The following C17orf107 variants were observed in gnomAD, a reference collection of about 807,000 sequenced individuals.
C17orf107 encodes the protein chromosome 17 open reading frame 107.
C17orf107 carries 9 observed loss-of-function variants against 8.9 expected under a neutral mutation model. The ratio of observed to expected loss-of-function variants is 1.02; its 90% CI spans 0.61 to 1.77. C17orf107 has a LOEUF of 1.77. C17orf107 is among the 40% of genes most tolerant of loss of function. The probability of loss-of-function intolerance (pLI) is 0.00; values close to 1 mark genes in which losing one functional copy is unlikely to be tolerated. For missense variants in C17orf107, 281 were observed against 249.0 expected (o/e 1.13, Z -0.86); for synonymous variants, 139 against 120.3 (o/e 1.16, Z -1.02).
At chr17:4,906,556 C>T (rs1970094658), downstream of C17orf107, among the ~76,000 whole-genome samples, 1 of 151,998 alleles carries the variant, frequency 6.6e-6, no homozygotes, top group African/African-American at 2.4e-5. Context: ...CAAAATAAGA[C>T]ACACAAATGC....
chr17:4,902,543 G>A lies in C17orf107; in HGVS notation c.*2010G>A. ...TTGAAGTGAGATTTCAGGGCCAGAA[G>A]TGAGCTTTAGGACAGAGCTCAGCGG... On this transcript the variant is annotated 3_prime_UTR_variant, in exon 3 of 3. Coordinates refer to ENST00000381365, the MANE Select transcript of C17orf107 (RefSeq NM_001145536.2). This position sits in a 1 kb window ranked among gnomAD's most constrained non-coding sequence, Gnocchi z 4.0. The A allele has an allele frequency of 6.2e-7, 1 of 1,614,078 alleles. No homozygotes were observed. Among genetic ancestry groups the A allele is most frequent in the African/African-American group, 1.3e-5 (1 of 75,056 alleles).
At chr17:4,904,181 C>CTTTT (rs931413877), downstream of C17orf107, among the ~76,000 whole-genome samples, 1 of 151,690 alleles carries the variant, frequency 6.6e-6, no homozygotes, top group African/African-American at 2.4e-5. Context: ...TTTTCTGTTT[C>CTTTT]TTTTTTTGTT....
Position 4,902,450 on chromosome 17 carries a change from G to T in C17orf107, c.*1917G>T, listed in dbSNP as rs749350232. ...ACACCATTCCCCAGATTTGACTCAC[G>T]ATTCCAATCCAGACGCTAGTGGTGA... On this transcript the variant is annotated 3_prime_UTR_variant, in exon 3 of 3. Transcript: ENST00000381365. This position sits in a 1 kb window ranked among gnomAD's most constrained non-coding sequence, Gnocchi z 4.0. 6.2e-7 allele frequency: 1 copy of T among 1,614,186 alleles called. No homozygotes were observed. Among genetic ancestry groups the T allele is most frequent in the South Asian group, 1.1e-5 (1 of 91,084 alleles).
At chr17:4,900,209 C>G in intron 2 of C17orf107, 28 bp from the exon 3 acceptor site, 1 of 1,543,186 alleles carries the variant, frequency 6.5e-7, no homozygotes. Context: ...CCTCTGCCTC[C>G]CCGCTAACCC....
At position 4,901,854 on chromosome 17, in the gene C17orf107, G is replaced by T; in HGVS notation, c.*1321G>T. On this transcript the variant is annotated 3_prime_UTR_variant, in exon 3 of 3. Transcript: ENST00000381365. The stretch of plus-strand genomic sequence containing the variant: ...CAGCGCGAAGCCCCGCCCCGAGGGC[G>T]GTGCTTCCCGGTTGGCCCCGCCCCA... 1 of 1,589,052 alleles carries T rather than the reference G, an allele frequency of 6.3e-7. No homozygotes were observed. The highest frequency in any genetic ancestry group is 8.6e-7 in the Non-Finnish European group (1 of 1,162,352).
At chr17:4,906,135 C>T (rs1206140039), downstream of C17orf107, among the ~76,000 whole-genome samples, 1 of 152,226 alleles carries the variant, frequency 6.6e-6, no homozygotes, top group Non-Finnish European at 1.5e-5. Context: ...TGGCTTCTCT[C>T]TGCAGAGGCA....
In C17orf107 at chr17:4,900,828, G is replaced by A. The variant is rs1395761057; in HGVS notation, c.*295G>A. 6.2e-7 allele frequency: 1 copy of A among 1,614,184 alleles called. No individual in the cohort carries two copies. Among genetic ancestry groups the A allele is most frequent in the East Asian group, 2.2e-5 (1 of 44,888 alleles). On this transcript the variant is annotated 3_prime_UTR_variant, in exon 3 of 3. Transcript: ENST00000381365. ...GCGGCACGCTCAGAGAAGTCTCTGG[G>A]ATTTTCTGGGCAATGAGGAACAAGA...
At chr17:4,906,355 C>T (rs938205882), downstream of C17orf107, among the ~76,000 whole-genome samples, 5 of 152,102 alleles carry the variant, frequency 3.3e-5, no homozygotes, top group Admixed American at 2.6e-4. Context: ...TGCCAGGATG[C>T]CATTCTCACT....
rs767412916 is a variant in C17orf107, at chr17:4,902,375, C to T, written c.*1842C>T. On this transcript the variant is annotated 3_prime_UTR_variant, in exon 3 of 3. Coordinates refer to ENST00000381365, the MANE Select transcript of C17orf107 (RefSeq NM_001145536.2). The surrounding 1 kb of genome is among the most constrained non-coding windows in gnomAD (Gnocchi z 4.0). ...CGCGTGCCCTGCATCTCCCACCTGG[C>T]GCTGCCTGGGAGGGGTTTGGGGGAA... 3 of 1,613,222 alleles carry T rather than the reference C, an allele frequency of 1.9e-6. No individual in the cohort carries two copies. The highest frequency in any genetic ancestry group is 1.3e-5 in the African/African-American group (1 of 74,912).
Position 4,901,806 on chromosome 17 carries a change from G to A in C17orf107, c.*1273G>A. Reference sequence around the variant, plus strand: ...CGGCCGCGCTGGAGCGTCCCACCCAGTGCCTACGCCTGGCTCCGCCTCCAG... The same window carrying A: ...CGGCCGCGCTGGAGCGTCCCACCCAATGCCTACGCCTGGCTCCGCCTCCAG... On this transcript the variant is annotated 3_prime_UTR_variant, in exon 3 of 3. Coordinates refer to ENST00000381365, the MANE Select transcript of C17orf107 (RefSeq NM_001145536.2). 1.4e-6 allele frequency: 2 copies of A among 1,425,398 alleles called. No homozygotes were observed. The highest frequency in any genetic ancestry group is 2.0e-6 in the Non-Finnish European group (2 of 1,020,074). 88.3% of individuals were successfully genotyped at this position (1,425,398 alleles called of 1,614,324 possible). A position where few individuals can be genotyped will look rare whatever the true frequency, so the allele number is the denominator to read the frequency against.
downstream of C17orf107, among the ~76,000 whole-genome samples, chr17:4,903,600 G>A (rs186010136): frequency 8.5e-5 from 13 of 152,212 alleles, no homozygotes; most frequent in Non-Finnish European, 1.6e-4. Flanking sequence ...TGGTCACAGG[G>A]GATTAGCCCT....
Position 4,900,695 on chromosome 17 carries a change from C to T in C17orf107, c.*162C>T. On this transcript the variant is annotated 3_prime_UTR_variant, in exon 3 of 3. Coordinates refer to ENST00000381365, the MANE Select transcript of C17orf107 (RefSeq NM_001145536.2). ...CCCAGCGTCCGAATAAAGCCCAGGG[C>T]GGGGCGAGACAGCCAGAGCTTTTCC... 6 of 1,460,970 alleles carry T rather than the reference C, an allele frequency of 4.1e-6. No homozygotes were observed. Among genetic ancestry groups the T allele is most frequent in the Non-Finnish European group, 5.6e-6 (6 of 1,070,608 alleles). 90.5% of individuals were successfully genotyped at this position (1,460,970 alleles called of 1,614,324 possible). A position where few individuals can be genotyped will look rare whatever the true frequency, so the allele number is the denominator to read the frequency against.
Position 4,900,497 on chromosome 17 carries a change from C to T in C17orf107, c.537C>T (p.Pro179=), listed in dbSNP as rs1422259594. ...AACAGCAGCTAGGCCTCGGAATCCC[C>T]GGAGAACCGGTGAGCTCAGGACACG... The part of the protein sequence containing the change: ...QSQQQLGLGI[P]GEPVSSGHGV... Residue 179 remains proline (P), a synonymous_variant, in exon 3 of 3, where the codon CCC becomes CCT. Transcript: ENST00000381365. 4 of 1,550,982 alleles carry T rather than the reference C, an allele frequency of 2.6e-6. No individual in the cohort carries two copies. Among genetic ancestry groups the T allele is most frequent in the Admixed American group, 3.9e-5 (2 of 51,010 alleles).
rs965749462 is a variant in C17orf107, at chr17:4,900,548, G to A, written c.*15G>A. On this transcript the variant is annotated 3_prime_UTR_variant, in exon 3 of 3. Coordinates refer to ENST00000381365, the MANE Select transcript of C17orf107 (RefSeq NM_001145536.2). The stretch of plus-strand genomic sequence containing the variant: ...GGGTGAGTTAGGGGCCAGAGGCGGC[G>A]GGGCTAGGGAGGCACTGAGCCGGAC... The A allele has an allele frequency of 1.9e-6, 3 of 1,550,350 alleles. No individual in the cohort carries two copies. The highest frequency in any genetic ancestry group is 1.4e-5 in the African/African-American group (1 of 73,062).
rs1443759014 is a variant in C17orf107, at chr17:4,900,232, T to A, written c.277-5T>A. The A allele has an allele frequency of 6.5e-7, 1 of 1,547,354 alleles. No homozygotes were observed. The highest frequency in any genetic ancestry group is 8.7e-7 in the Non-Finnish European group (1 of 1,146,180). On this transcript the variant is annotated splice_region_variant and splice_polypyrimidine_tract_variant and intron_variant, in intron 2 of 2. Transcript: ENST00000381365. ...TCCCCGCTAACCCCTGTGCCCCCAA[T>A]GCAGATCTCAGCCCTGTGGCTGCAG...
At chr17:4,903,013 C>T (rs375802288), downstream of C17orf107, 207 of 1,614,084 alleles carry the variant, frequency 1.3e-4, 1 homozygote, top group Middle Eastern at 2.0e-3. Flanking sequence ...AGCCCCTGTC[C>T]GTACCGAGAA....
At position 4,901,005 on chromosome 17, in the gene C17orf107, A is replaced by G; in HGVS notation, c.*472A>G. The G allele has an allele frequency of 6.2e-7, 1 of 1,613,936 alleles. No homozygotes were observed. Among genetic ancestry groups the G allele is most frequent in the East Asian group, 2.2e-5 (1 of 44,870 alleles). ...CACTGCTTACCCTGCGCCGGCAGGA[A>G]GTAGGCGAGCAGCACCAGGCCCGAG... On this transcript the variant is annotated 3_prime_UTR_variant, in exon 3 of 3. Transcript: ENST00000381365.
In C17orf107 at chr17:4,901,620, T is replaced by TGAGAGCTGCGGAGC. The variant is rs746858440; in HGVS notation, c.*1088_*1101dup. The stretch of plus-strand genomic sequence containing the variant: ...CTCCACCTCTTCGGCATTGTACGTC[T>TGAGAGCTGCGGAGC]GAGAGCTGCGGAGCCAGGGCCGGGA... On this transcript the variant is annotated 3_prime_UTR_variant, in exon 3 of 3. Coordinates refer to ENST00000381365, the MANE Select transcript of C17orf107 (RefSeq NM_001145536.2). 1 of 1,614,020 alleles carries TGAGAGCTGCGGAGC rather than the reference T, an allele frequency of 6.2e-7. No individual in the cohort carries two copies. Among genetic ancestry groups the TGAGAGCTGCGGAGC allele is most frequent in the Non-Finnish European group, 8.5e-7 (1 of 1,179,962 alleles).
Position 4,899,720 on chromosome 17 carries a change from C to G in C17orf107, c.-43C>G. ...GCTGCGCCCCCTACACGACGACAGA[C>G]GCGTCCCCCAGCCCTTCTCCTGTCC... On this transcript the variant is annotated 5_prime_UTR_variant, in exon 1 of 3. Transcript: ENST00000381365. 1 of 1,526,384 alleles carries G rather than the reference C, an allele frequency of 6.6e-7. No homozygotes were observed. Among genetic ancestry groups the G allele is most frequent in the Non-Finnish European group, 8.9e-7 (1 of 1,124,506 alleles). 94.6% of individuals were successfully genotyped at this position (1,526,384 alleles called of 1,614,324 possible).
Sources: gnomAD v4.1 joint callset for allele counts (sites outside exome capture counted in the v4.1 genomes callset) on GRCh38, gnomAD v4.1.1 for gene constraint, Gnocchi (gnomAD v3.1) non-coding constraint, MANE v1.5 for transcripts, NCBI Gene and HGNC (gene_info 2026-07-23, HGNC 2026-07-21) for gene names.